The following TESK1 variants were observed in gnomAD, a reference collection of about 807,000 sequenced individuals.
The protein encoded by TESK1 is testis associated actin remodelling kinase 1, also known as dual specificity testis-specific protein kinase 1.
TESK1 carries 18 observed loss-of-function variants against 59.9 expected under a neutral mutation model. That is an observed-to-expected ratio of 0.30 (90% CI 0.21 to 0.45). The LOEUF (loss-of-function observed/expected upper bound fraction) is 0.45. TESK1 is among the 20% of genes least tolerant of loss of function. The pLI, the probability that TESK1 is intolerant of heterozygous loss-of-function variation, is 1.00. For missense variants in TESK1, 748 were observed against 840.9 expected (o/e 0.89, Z 1.37); for synonymous variants, 341 against 357.4 (o/e 0.95, Z 0.52).
intron 3 of TESK1, 93 bp from the exon 4 acceptor site, chr9:35,606,744 T>G: frequency 7.5e-7 from 1 of 1,330,070 alleles, no homozygotes; most frequent in Non-Finnish European, 1.0e-6. Context: ...ATGACCTCTG[T>G]GATCCTCGGG....
intron 3 of TESK1, among the ~76,000 whole-genome samples, chr9:35,606,486 G>GTGCT (rs1246557256): frequency 6.6e-6 from 1 of 152,176 alleles, no homozygotes; most frequent in African/African-American, 2.4e-5. Flanking sequence ...CCCTAGAACA[G>GTGCT]TGCTGTCCAA....
rs374824018 is a variant in TESK1, at chr9:35,607,720, G to A, written c.711+48G>A. On this transcript the variant is annotated intron_variant, in intron 6 of 9. Transcript: ENST00000336395. This position sits in a 1 kb window ranked among gnomAD's most constrained non-coding sequence, Gnocchi z 4.5. ...CCCCAAGGCCTTCCGAGACCCTTGA[G>A]GTATTCTCATAAAGCCCCATCCATC... is the stretch of plus-strand genomic sequence containing the variant. 2.0e-6 allele frequency: 3 copies of A among 1,531,256 alleles called. No homozygotes were observed. The highest frequency in any genetic ancestry group is 2.7e-5 in the African/African-American group (2 of 73,040). 94.9% of individuals were successfully genotyped at this position (1,531,256 alleles called of 1,614,324 possible).
Position 35,605,275 on chromosome 9 carries a change from C to G in TESK1, c.-345C>G, listed in dbSNP as rs1295839153. 6.7e-6 allele frequency: 1 copy of G among 149,576 alleles called. No individual in the cohort carries two copies. Among genetic ancestry groups the G allele is most frequent in the Non-Finnish European group, 1.5e-5 (1 of 66,482 alleles). 9.3% of individuals were successfully genotyped at this position (149,576 alleles called of 1,614,324 possible). A position where few individuals can be genotyped will look rare whatever the true frequency, so the allele number is the denominator to read the frequency against. On this transcript the variant is annotated 5_prime_UTR_variant, in exon 1 of 10. Transcript: ENST00000336395. The stretch of plus-strand genomic sequence containing the variant: ...CCGGCAGGCCGCGGAGCCTGATCCC[C>G]GGCGGCTAAGCGGAGCAGCCGCCGC...
chr9:35,606,410 C>G, intron 3 of TESK1, 125 bp downstream of exon 3: 1 of 1,100,038 alleles, frequency 9.1e-7, no homozygotes, highest in Non-Finnish European at 1.3e-6. Context: ...TCAGGGGAGG[C>G]TTTCCTGAAC....
chr9:35,608,209 G>A lies in TESK1; in HGVS notation c.845G>A (p.Cys282Tyr). 6.2e-7 allele frequency: 1 copy of A among 1,614,130 alleles called. No individual in the cohort carries two copies. Among genetic ancestry groups the A allele is most frequent in the South Asian group, 1.1e-5 (1 of 91,078 alleles). The change falls in exon 8 of 10, where the codon TGC becomes TAC. Residue 282 changes from cysteine (C) to tyrosine (Y), a missense_variant. Coordinates refer to ENST00000336395, the MANE Select transcript of TESK1 (RefSeq NM_006285.3). ...PAFRTLVGDD[C>Y]PLPFLLLAIH... The stretch of plus-strand genomic sequence containing the variant: ...TTCCGAACTCTGGTGGGGGATGACT[G>A]CCCACTGCCTTTCTTGCTCCTGGCC...
chr9:35,608,275 C>T, intron 8 of TESK1, 26 bp downstream of exon 8: 1 of 1,612,430 alleles, frequency 6.2e-7, no homozygotes, highest in Non-Finnish European at 8.5e-7. Context: ...TCCTTCCTGC[C>T]CCACCCTGCC....
chr9:35,607,006 G>T lies in TESK1; in HGVS notation c.537+23G>T. On this transcript the variant is annotated intron_variant, in intron 4 of 9. Coordinates refer to ENST00000336395, the MANE Select transcript of TESK1 (RefSeq NM_006285.3). This position sits in a 1 kb window ranked among gnomAD's most constrained non-coding sequence, Gnocchi z 4.5. ...AAGGTAGGCTAGCAGGGTGGGTGGAGACATGAAAGAGGGTTTGAGGCTATT... is the reference window on the plus strand; with the variant it reads ...AAGGTAGGCTAGCAGGGTGGGTGGATACATGAAAGAGGGTTTGAGGCTATT... 6.4e-7 allele frequency: 1 copy of T among 1,559,632 alleles called. No individual in the cohort carries two copies. The highest frequency in any genetic ancestry group is 1.9e-5 in the Admixed American group (1 of 52,564).
In TESK1 at chr9:35,607,384, C is replaced by T; in HGVS notation, c.595C>T (p.Leu199=). The change falls in exon 5 of 10, where the codon CTG becomes TTG. Residue 199 remains leucine (L), a synonymous_variant. Transcript: ENST00000336395. The surrounding 1 kb of genome is among the most constrained non-coding windows in gnomAD (Gnocchi z 4.5). The stretch of plus-strand genomic sequence containing the variant: ...CACCGCTGTCGTGGGTGACTTCGGG[C>T]TGGCCGAAAAGATTCCTGTGTATAG... ...GFTAVVGDFG[L]AEKIPVYREG... is the part of the protein sequence containing the mutation. 6.2e-7 allele frequency: 1 copy of T among 1,614,172 alleles called. No individual in the cohort carries two copies. The highest frequency in any genetic ancestry group is 8.5e-7 in the Non-Finnish European group (1 of 1,180,032).
chr9:35,607,348 G>T lies in TESK1; in HGVS notation c.559G>T (p.Asp187Tyr). ...TSKNCLVRRE[D>Y]RGFTAVVGDF... ...TCAGAACTGTCTAGTCCGACGGGAA[G>T]ATCGAGGCTTCACCGCTGTCGTGGG... The change falls in exon 5 of 10, where the codon GAT becomes TAT. Residue 187 changes from aspartate (D) to tyrosine (Y), a missense_variant. Asp to Tyr is a radical substitution (Grantham distance 160, BLOSUM62 -3). This residue lies in a region of TESK1 where 168 missense variants were observed against 257.4 expected (regional missense o/e 0.65). Transcript: ENST00000336395. The surrounding 1 kb of genome is among the most constrained non-coding windows in gnomAD (Gnocchi z 4.5). The T allele has an allele frequency of 6.2e-7, 1 of 1,614,182 alleles. No individual in the cohort carries two copies. The highest frequency in any genetic ancestry group is 8.5e-7 in the Non-Finnish European group (1 of 1,180,020).
chr9:35,608,425 G>A lies in TESK1; in HGVS notation c.916G>A (p.Glu306Lys), dbSNP rs750389597. Residue 306 changes from glutamate to lysine, a missense_variant, in exon 9 of 10, where the codon GAA becomes AAA. By Grantham distance (56) the Glu-to-Lys change is moderately conservative. Coordinates refer to ENST00000336395, the MANE Select transcript of TESK1 (RefSeq NM_006285.3). ...ACCCAGCACCCGTGCCCCCTTCACC[G>A]AAATTACCCAGCACCTGGAATGGAT... Reference protein sequence around the residue: ...LEPSTRAPFTEITQHLEWILE... With the variant: ...LEPSTRAPFTKITQHLEWILE... 14 of 1,614,068 alleles carry A rather than the reference G, an allele frequency of 8.7e-6. No individual in the cohort carries two copies. Among genetic ancestry groups the A allele is most frequent in the South Asian group, 2.2e-5 (2 of 91,074 alleles).
Position 35,607,120 on chromosome 9 carries a change from C to T in TESK1, c.537+137C>T, listed in dbSNP as rs1402459748. The T allele has an allele frequency of 7.4e-7, 1 of 1,343,072 alleles. No individual in the cohort carries two copies. The highest frequency in any genetic ancestry group is 2.5e-5 in the East Asian group (1 of 39,556). 83.2% of individuals were successfully genotyped at this position (1,343,072 alleles called of 1,614,324 possible). A position where few individuals can be genotyped will look rare whatever the true frequency, so the allele number is the denominator to read the frequency against. ...CAAGGCATTGGAGAATATTGGGGGA[C>T]CAGGGTGAGGGGAGTGCTCGGAGGG... On this transcript the variant is annotated intron_variant, in intron 4 of 9. Coordinates refer to ENST00000336395, the MANE Select transcript of TESK1 (RefSeq NM_006285.3). The surrounding 1 kb of genome is among the most constrained non-coding windows in gnomAD (Gnocchi z 4.5).
In TESK1 at chr9:35,609,534, C is replaced by A; in HGVS notation, c.1673C>A (p.Ala558Asp). 6.2e-7 allele frequency: 1 copy of A among 1,612,002 alleles called. No individual in the cohort carries two copies. Among genetic ancestry groups the A allele is most frequent in the Non-Finnish European group, 8.5e-7 (1 of 1,178,886 alleles). The change falls in exon 10 of 10, where the codon GCT becomes GAT. Residue 558 changes from alanine (A) to aspartate (D), a missense_variant. Coordinates refer to ENST00000336395, the MANE Select transcript of TESK1 (RefSeq NM_006285.3). The surrounding 1 kb of genome is among the most constrained non-coding windows in gnomAD (Gnocchi z 6.7). Reference protein sequence around the residue: ...ERTEPSPPPSAPREPDEGLPC... With the variant: ...ERTEPSPPPSDPREPDEGLPC... ...ACAGAACCCTCGCCACCCCCTTCAG[C>A]TCCCCGGGAGCCCGATGAGGGGCTG...
At position 35,607,176 on chromosome 9, in the gene TESK1, G is replaced by A; in HGVS notation, c.538-151G>A. The A allele has an allele frequency of 4.8e-6, 6 of 1,241,046 alleles. No homozygotes were observed. The highest frequency in any genetic ancestry group is 2.0e-5 in the Admixed American group (1 of 50,086). 76.9% of individuals were successfully genotyped at this position (1,241,046 alleles called of 1,614,324 possible). A position where few individuals can be genotyped will look rare whatever the true frequency, so the allele number is the denominator to read the frequency against. ...GTAGCACCCTGTGTTTGGAGTGTTG[G>A]ATGATGTTGCAATATTGAAGTGCCT... On this transcript the variant is annotated intron_variant, in intron 4 of 9. Coordinates refer to ENST00000336395, the MANE Select transcript of TESK1 (RefSeq NM_006285.3). The surrounding 1 kb of genome is among the most constrained non-coding windows in gnomAD (Gnocchi z 4.5).
In TESK1 at chr9:35,608,859, C is replaced by A; in HGVS notation, c.1001-3C>A. On this transcript the variant is annotated splice_polypyrimidine_tract_variant and splice_region_variant and intron_variant, in intron 9 of 9. Transcript: ENST00000336395. ...CAGTGATTCCAGACTTCTCTATCTA[C>A]AGGCTCTGTTGCAAGAGGGGGTCCC... The A allele has an allele frequency of 6.3e-7, 1 of 1,575,398 alleles. No individual in the cohort carries two copies. The highest frequency in any genetic ancestry group is 8.6e-7 in the Non-Finnish European group (1 of 1,160,510).
chr9:35,605,926 C>T, intron 1 of TESK1, 58 bp from the exon 2 acceptor site: 1 of 1,608,734 alleles, frequency 6.2e-7, no homozygotes, highest in South Asian at 1.1e-5. Context: ...GGAAGAGGGT[C>T]CAGACTCCGG....
Position 35,607,923 on chromosome 9 carries a change from C to G in TESK1, c.712-5C>G. The G allele has an allele frequency of 6.2e-7, 1 of 1,613,940 alleles. No individual in the cohort carries two copies. Among genetic ancestry groups the G allele is most frequent in the Non-Finnish European group, 8.5e-7 (1 of 1,179,966 alleles). On this transcript the variant is annotated splice_polypyrimidine_tract_variant and splice_region_variant and intron_variant, in intron 6 of 9. Coordinates refer to ENST00000336395, the MANE Select transcript of TESK1 (RefSeq NM_006285.3). The surrounding 1 kb of genome is among the most constrained non-coding windows in gnomAD (Gnocchi z 4.5). ...TTCCCCGACACTATTATCTCTGACC[C>G]CCAGGCTGATGTCTTTGCCTTCGGG...
Position 35,607,422 on chromosome 9 carries a change from T to TC in TESK1, c.620+16dup, listed in dbSNP as rs1483799879. The TC allele has an allele frequency of 6.2e-7, 1 of 1,613,832 alleles. No homozygotes were observed. Among genetic ancestry groups the TC allele is most frequent in the Non-Finnish European group, 8.5e-7 (1 of 1,179,896 alleles). ...TTCCTGTGTATAGGTGAGATGAATG[T>TC]CCCTGTTCCCCCCAAATCTCCCAGA... On this transcript the variant is annotated intron_variant, in intron 5 of 9. Coordinates refer to ENST00000336395, the MANE Select transcript of TESK1 (RefSeq NM_006285.3). This position sits in a 1 kb window ranked among gnomAD's most constrained non-coding sequence, Gnocchi z 4.5.
rs201612638 is a variant in TESK1 at position 35,606,208 on chromosome 9, A to G, written c.342-29A>G. The G allele has an allele frequency of 1.4e-4, 220 of 1,614,180 alleles. 1 individual carries two copies. Among genetic ancestry groups the G allele is most frequent in the Middle Eastern group, 1.6e-4 (1 of 6,062 alleles). ...GAGGAGCTGAGGCCTTTAATAGCCT[A>G]TCCTTCTATCTTCCCCATCCTCTTG... is the stretch of plus-strand genomic sequence containing the variant. On this transcript the variant is annotated intron_variant, in intron 2 of 9. Coordinates refer to ENST00000336395, the MANE Select transcript of TESK1 (RefSeq NM_006285.3).
Position 35,609,311 on chromosome 9 carries a change from C to T in TESK1, c.1450C>T (p.Pro484Ser), listed in dbSNP as rs1186903477. The T allele has an allele frequency of 1.9e-6, 3 of 1,613,850 alleles. No individual in the cohort carries two copies. In the East Asian group the frequency reaches 6.7e-5, roughly 36 times the overall value. ...SPEPEPPGPA[P>S]QLPLAVATDN... ...TGAGCCGGAACCTCCAGGGCCAGCGCCCCAGCTGCCTCTGGCTGTGGCCAC... is the reference window on the plus strand; with the variant it reads ...TGAGCCGGAACCTCCAGGGCCAGCGTCCCAGCTGCCTCTGGCTGTGGCCAC... Residue 484 changes from proline to serine, a missense_variant, in exon 10 of 10, where the codon CCC (proline) becomes TCC (serine). Physicochemically the swap from Pro to Ser is moderately conservative, Grantham distance 74. Transcript: ENST00000336395. This position sits in a 1 kb window ranked among gnomAD's most constrained non-coding sequence, Gnocchi z 6.7.
Sources: allele counts gnomAD v4.1 joint callset (sites outside exome capture counted in the v4.1 genomes callset), GRCh38; gene constraint gnomAD v4.1.1; regional missense constraint gnomAD v4.1.1; non-coding constraint Gnocchi (gnomAD v3.1); transcripts MANE v1.5; gene names NCBI Gene and HGNC (gene_info 2026-07-23, HGNC 2026-07-21).